NOS1: variants seen among roughly 807,000 people sequenced by gnomAD.
The protein encoded by NOS1 is NOS type I.
A neutral mutation model predicts 164.5 loss-of-function variants in NOS1; 51 were observed. The observed-to-expected ratio is 0.31, with a 90% CI of 0.25 to 0.39. NOS1 has a LOEUF of 0.39. Among genes scored for constraint, NOS1 ranks in the 10% least tolerant of loss-of-function variants. The probability of loss-of-function intolerance (pLI) is 1.00; values close to 1 mark genes in which losing one functional copy is unlikely to be tolerated. For missense variants in NOS1, 1,362 were observed against 1,885.6 expected, an observed-to-expected ratio of 0.72 and a Z score of 5.14; for synonymous variants, 719 against 745.8, an observed-to-expected ratio of 0.96 and a Z score of 0.59.
intron 13 of NOS1, among the ~76,000 whole-genome samples, chr12:117,262,711 T>C (rs1236396549): frequency 6.6e-6 from 1 of 152,130 alleles, no homozygotes; most frequent in East Asian, 1.9e-4. Flanking sequence ...TAGTGTCTTC[T>C]GACAAAAAGT....
In NOS1 at chr12:117,212,123, C is replaced by T. The variant is rs943048273; in HGVS notation, c.*3186G>A. The T allele has an allele frequency of 4.1e-6, 4 of 985,228 alleles. No homozygotes were observed. Among genetic ancestry groups the T allele is most frequent in the Non-Finnish European group, 3.6e-6 (3 of 829,926 alleles). 61.0% of individuals were successfully genotyped at this position (985,228 alleles called of 1,614,324 possible). ...AGGAACTGTGTTTTGCTTATCTCTG[C>T]AAACTGCCCGGTGCCTTCCACACAC... On this transcript the variant is annotated 3_prime_UTR_variant, in exon 29 of 29. Coordinates refer to ENST00000317775, the MANE Select transcript of NOS1 (RefSeq NM_000620.5).
At chr12:117,358,627 T>C (rs1348073255) in intron 1 of NOS1, among the ~76,000 whole-genome samples, 1 of 152,100 alleles carries the variant, frequency 6.6e-6, no homozygotes, top group Non-Finnish European at 1.5e-5. Context: ...GAGTTACTGT[T>C]CTCATTTTAC....
intron 1 of NOS1, among the ~76,000 whole-genome samples, chr12:117,332,323 G>A (rs539884326): frequency 1.3e-5 from 2 of 152,172 alleles, no homozygotes; most frequent in African/African-American, 4.8e-5. Flanking sequence ...AAGAGGAAAG[G>A]GAAGCTTGGG....
chr12:117,257,977 G>C (rs1341571460), intron 16 of NOS1, among the ~76,000 whole-genome samples: 1 of 151,644 alleles, frequency 6.6e-6, no homozygotes, highest in Admixed American at 6.6e-5. Context: ...CCTAATTTTT[G>C]TATTATTAGT....
intron 16 of NOS1, among the ~76,000 whole-genome samples, chr12:117,257,607 C>CTTTTTTT (rs151304592): frequency 9.1e-5 from 9 of 99,128 alleles, no homozygotes; most frequent in African/African-American, 1.3e-4. Flanking sequence ...TTGATTTTAG[C>CTTTTTTT]TTTTTTTTTT....
At chr12:117,329,475 C>T (rs1441355886) in intron 2 of NOS1, among the ~76,000 whole-genome samples, 2 of 152,058 alleles carry the variant, frequency 1.3e-5, no homozygotes, top group Non-Finnish European at 2.9e-5. Flanking sequence ...TATACCTAGA[C>T]CCACCCTGGC....
At chr12:117,279,945 C>T (rs1873497711) in intron 8 of NOS1, among the ~76,000 whole-genome samples, 1 of 152,172 alleles carries the variant, frequency 6.6e-6, no homozygotes, top group Admixed American at 6.5e-5. Flanking sequence ...AAGGAGGTAC[C>T]ACCCGGGAGG....
rs9658533 is a variant in NOS1, at chr12:117,220,198, G to A, written c.4047C>T (p.Gly1349=). The A allele has an allele frequency of 5.0e-6, 8 of 1,613,796 alleles. No individual in the cohort carries two copies. Among genetic ancestry groups the A allele is most frequent in the Non-Finnish European group, 6.8e-6 (8 of 1,179,986 alleles). Reference sequence around the variant, plus strand: ...TGACGTCCCCACAGACGTATATGTGGCCCCCTTGCTCCTTCAGGGCTCGGT... The same window carrying A: ...TGACGTCCCCACAGACGTATATGTGACCCCCTTGCTCCTTCAGGGCTCGGT... ...SVYRALKEQG[G]HIYVCGDVTM... Residue 1349 remains glycine (G), a synonymous_variant, in exon 27 of 29, where the codon GGC becomes GGT. Transcript: ENST00000317775.
intron 1 of NOS1, among the ~76,000 whole-genome samples, chr12:117,352,203 A>ACATG (rs951191694): frequency 1.3e-5 from 2 of 150,704 alleles, no homozygotes; most frequent in African/African-American, 4.9e-5. Flanking sequence ...ATACATACAT[A>ACATG]CATACATACA....
At chr12:117,358,523 C>T (rs1230576949) in intron 1 of NOS1, among the ~76,000 whole-genome samples, 1 of 152,240 alleles carries the variant, frequency 6.6e-6, no homozygotes, top group Non-Finnish European at 1.5e-5. Context: ...GGTTCCCTTC[C>T]TTCCTTACAA....
At chr12:117,228,982 C>T (rs1030489543) in intron 22 of NOS1, among the ~76,000 whole-genome samples, 63 of 152,214 alleles carry the variant, frequency 4.1e-4, no homozygotes, top group African/African-American at 1.3e-3. Context: ...AGGGTTTCAC[C>T]GTGTTAGCCA....
At position 117,243,318 on chromosome 12, in the gene NOS1, C is replaced by T. The variant is rs749094921; in HGVS notation, c.2941G>A (p.Glu981Lys). 1.9e-5 allele frequency: 31 copies of T among 1,614,006 alleles called. No individual in the cohort carries two copies. In the East Asian group the frequency reaches 2.2e-4, roughly 12 times the overall value. Residue 981 changes from glutamate (E) to lysine (K), a missense_variant, in exon 19 of 29, where the codon GAA becomes AAA. Glu to Lys is a moderately conservative substitution (Grantham distance 56). Transcript: ENST00000317775. The surrounding 1 kb of genome is among the most constrained non-coding windows in gnomAD (Gnocchi z 4.3). The stretch of plus-strand genomic sequence containing the variant: ...GTACCTTGTGTGAGTTCTGGAGCTT[C>T]GGCCACAAAGGTGAGGCGGAACTTG... ...RNKFRLTFVAEAPELTQGLSN... is the reference protein window; with the variant it reads ...RNKFRLTFVAKAPELTQGLSN...
intron 5 of NOS1, among the ~76,000 whole-genome samples, chr12:117,287,243 T>C (rs1231854670): frequency 1.3e-5 from 2 of 152,142 alleles, no homozygotes; most frequent in African/African-American, 4.8e-5. Context: ...AAAATTCATA[T>C]AAATGGTGCT....
chr12:117,224,538 G>T (rs1230990397), intron 25 of NOS1, among the ~76,000 whole-genome samples: 1 of 152,170 alleles, frequency 6.6e-6, no homozygotes, highest in Non-Finnish European at 1.5e-5. Context: ...GCTGGCCTGG[G>T]TCTCCCAAAG....
At chr12:117,242,911 G>A (rs1390973021) in intron 19 of NOS1, among the ~76,000 whole-genome samples, 2 of 152,328 alleles carry the variant, frequency 1.3e-5, no homozygotes, top group East Asian at 3.9e-4. Flanking sequence ...CAAACACTCT[G>A]CAGCATTGTA....
chr12:117,214,675 G>A lies in NOS1; in HGVS notation c.*634C>T. The A allele has an allele frequency of 3.0e-6, 3 of 985,344 alleles. No individual in the cohort carries two copies. Among genetic ancestry groups the A allele is most frequent in the Non-Finnish European group, 3.6e-6 (3 of 829,930 alleles). 61.0% of individuals were successfully genotyped at this position (985,344 alleles called of 1,614,324 possible). A position where few individuals can be genotyped will look rare whatever the true frequency, so the allele number is the denominator to read the frequency against. On this transcript the variant is annotated 3_prime_UTR_variant, in exon 29 of 29. Coordinates refer to ENST00000317775, the MANE Select transcript of NOS1 (RefSeq NM_000620.5). The stretch of plus-strand genomic sequence containing the variant: ...TAGAACAATTATGGGGCTTCCAAAT[G>A]TTTCAGGTACATGGGCGTGGACCCT...
intron 2 of NOS1, among the ~76,000 whole-genome samples, chr12:117,328,445 AG>A (rs1875363329): frequency 6.6e-6 from 1 of 152,228 alleles, no homozygotes; most frequent in African/African-American, 2.4e-5. Flanking sequence ...CTGGGATTAT[AG>A]GCGTGAGCCA....
chr12:117,323,002 G>A (rs1244064599), intron 2 of NOS1, among the ~76,000 whole-genome samples: 2 of 152,106 alleles, frequency 1.3e-5, no homozygotes, highest in Non-Finnish European at 2.9e-5. Flanking sequence ...CCATGGGTGG[G>A]AACCAGCCTT....
In NOS1 at chr12:117,311,607, G is replaced by A. The variant is rs750291543; in HGVS notation, c.726-15C>T. 3 of 1,606,398 alleles carry A rather than the reference G, an allele frequency of 1.9e-6. No individual in the cohort carries two copies. The South Asian group carries it at 3.4e-5, about 18-fold the overall frequency. On this transcript the variant is annotated splice_polypyrimidine_tract_variant and intron_variant, in intron 2 of 28. Transcript: ENST00000317775. ...CGTCCAAATCTCTGAAAGGCAAGGT[G>A]GGGCAGGTGAGGAAGGGGACATCAG...
Sources: gnomAD v4.1 joint callset for allele counts (sites outside exome capture counted in the v4.1 genomes callset) on GRCh38, gnomAD v4.1.1 for gene constraint, Gnocchi (gnomAD v3.1) non-coding constraint, MANE v1.5 for transcripts, NCBI Gene and HGNC (gene_info 2026-07-23, HGNC 2026-07-21) for gene names.